EPB41L4A: variants seen among roughly 807,000 people sequenced by gnomAD.
The protein encoded by EPB41L4A is band 4.1-like protein 4A.
In EPB41L4A, 100 loss-of-function variants were observed where a neutral mutation model predicts 108.6. That is an observed-to-expected ratio of 0.92 (90% CI 0.78 to 1.09). EPB41L4A has a LOEUF of 1.09. Ranked by LOEUF, EPB41L4A falls within the 50% of genes least tolerant of loss-of-function variation. The pLI is 0.00. For synonymous variants in EPB41L4A, 319 were observed against 289.0 expected, an observed-to-expected ratio of 1.10 and a Z score of -1.05; for missense variants, 1,030 against 842.7, an observed-to-expected ratio of 1.22 and a Z score of -2.75.
At chr5:112,243,275 G>GTATATA (rs112296906) in intron 9 of EPB41L4A, among the ~76,000 whole-genome samples, 33 of 130,688 alleles carry the variant, frequency 2.5e-4, no homozygotes, top group African/African-American at 8.3e-4. Flanking sequence ...ATATGTGTGT[G>GTATATA]TATATATATA....
At chr5:112,199,423 T>C (rs1762114975) in intron 15 of EPB41L4A, among the ~76,000 whole-genome samples, 1 of 152,240 alleles carries the variant, frequency 6.6e-6, no homozygotes, top group African/African-American at 2.4e-5. Context: ...CTTTACCAGT[T>C]AATCTTCAAT....
intron 1 of EPB41L4A, among the ~76,000 whole-genome samples, chr5:112,319,990 G>T (rs781438706): frequency 6.6e-6 from 1 of 152,196 alleles, no homozygotes; most frequent in Non-Finnish European, 1.5e-5. Flanking sequence ...GTGGTAAAAC[G>T]TAAGCAACTG....
At chr5:112,278,521 G>T (rs1162179562) in intron 3 of EPB41L4A, among the ~76,000 whole-genome samples, 1 of 151,568 alleles carries the variant, frequency 6.6e-6, no homozygotes, top group Non-Finnish European at 1.5e-5. Flanking sequence ...CAAACTGCTG[G>T]GATTACAGGC....
intron 1 of EPB41L4A, among the ~76,000 whole-genome samples, chr5:112,332,326 T>C (rs1444066184): frequency 6.6e-6 from 1 of 152,238 alleles, no homozygotes; most frequent in Non-Finnish European, 1.5e-5. Context: ...GTAGTACTAT[T>C]TGCATTATTT....
intron 14 of EPB41L4A, among the ~76,000 whole-genome samples, chr5:112,204,803 TAA>T (rs1339238328): frequency 1.3e-5 from 2 of 152,214 alleles, no homozygotes; most frequent in African/African-American, 4.8e-5. Flanking sequence ...CTGACTCAGC[TAA>T]AGACTTTACA....
At chr5:112,293,435 C>G (rs2150542487) in intron 2 of EPB41L4A, among the ~76,000 whole-genome samples, 1 of 152,152 alleles carries the variant, frequency 6.6e-6, no homozygotes, top group Non-Finnish European at 1.5e-5. Context: ...AACTTTCTCT[C>G]CAAGATAGAA....
At chr5:112,183,087 A>T (rs1354622492) in intron 18 of EPB41L4A, among the ~76,000 whole-genome samples, 1 of 152,228 alleles carries the variant, frequency 6.6e-6, no homozygotes, top group African/African-American at 2.4e-5. Context: ...GTCCCACAGT[A>T]AAAAGAGTCC....
intron 1 of EPB41L4A, among the ~76,000 whole-genome samples, chr5:112,347,304 C>G (rs951359352): frequency 2.6e-5 from 4 of 152,174 alleles, no homozygotes; most frequent in African/African-American, 9.7e-5. Flanking sequence ...GACATTTGCA[C>G]TGATGGTGGA....
chr5:112,339,228 G>A (rs1340174466), intron 1 of EPB41L4A, among the ~76,000 whole-genome samples: 1 of 152,012 alleles, frequency 6.6e-6, no homozygotes, highest in African/African-American at 2.4e-5. Context: ...CTGTGAATCA[G>A]GGCTGGCTAT....
intron 9 of EPB41L4A, among the ~76,000 whole-genome samples, chr5:112,242,467 G>C (rs1749857787): frequency 1.3e-5 from 2 of 152,110 alleles, no homozygotes; most frequent in Non-Finnish European, 1.5e-5. Flanking sequence ...TAGTTTTCTT[G>C]CTATTTCTAC....
At chr5:112,177,335 A>C (rs929160475) in intron 18 of EPB41L4A, among the ~76,000 whole-genome samples, 3 of 152,132 alleles carry the variant, frequency 2.0e-5, no homozygotes, top group Non-Finnish European at 2.9e-5. Flanking sequence ...AAACTGAAAC[A>C]CTCTTCCTCT....
chr5:112,260,049 A>G, intron 7 of EPB41L4A, 70 bp from the exon 8 acceptor site: 1 of 1,090,902 alleles, frequency 9.2e-7, no homozygotes. Flanking sequence ...ATAATTGACC[A>G]TACAAATATA....
intron 18 of EPB41L4A, among the ~76,000 whole-genome samples, chr5:112,178,510 A>G (rs777928802): frequency 5.3e-5 from 8 of 152,184 alleles, no homozygotes; most frequent in Non-Finnish European, 1.0e-4. Context: ...CAGATTATTC[A>G]TCATTAAAAA....
intron 1 of EPB41L4A, among the ~76,000 whole-genome samples, chr5:112,315,004 G>A (rs1393156849): frequency 6.6e-6 from 1 of 152,118 alleles, no homozygotes; most frequent in Non-Finnish European, 1.5e-5. Flanking sequence ...AGACATTTGA[G>A]AGAATGAACT....
At chr5:112,176,343 T>C (rs953138205) in intron 18 of EPB41L4A, among the ~76,000 whole-genome samples, 17 of 152,234 alleles carry the variant, frequency 1.1e-4, no homozygotes, top group Admixed American at 2.0e-4. Context: ...GTTTGTGCTA[T>C]ATGAAGTAAT....
At chr5:112,265,988 A>G (rs1032101241) in intron 5 of EPB41L4A, among the ~76,000 whole-genome samples, 7 of 152,194 alleles carry the variant, frequency 4.6e-5, no homozygotes, top group Non-Finnish European at 5.9e-5. Flanking sequence ...CCTCCACTTA[A>G]TCAAGAATCA....
At chr5:112,407,895 G>A (rs139705962) in intron 1 of EPB41L4A, among the ~76,000 whole-genome samples, 8 of 152,288 alleles carry the variant, frequency 5.3e-5, no homozygotes, top group Admixed American at 5.2e-4. Flanking sequence ...GGTTCTTGAA[G>A]ATTTAACAGT....
At chr5:112,305,248 G>T (rs1385034293) in intron 2 of EPB41L4A, among the ~76,000 whole-genome samples, 1 of 152,088 alleles carries the variant, frequency 6.6e-6, no homozygotes, top group Non-Finnish European at 1.5e-5. Flanking sequence ...ACTTTTCTGA[G>T]CATACAATTT....
intron 1 of EPB41L4A, among the ~76,000 whole-genome samples, chr5:112,308,263 A>T (rs1319437462): frequency 6.6e-6 from 1 of 152,178 alleles, no homozygotes; most frequent in South Asian, 2.1e-4. Flanking sequence ...CTGGTATAAT[A>T]AGATAATAAA....
Sources: gnomAD v4.1 joint callset for allele counts (sites outside exome capture counted in the v4.1 genomes callset) on GRCh38, gnomAD v4.1.1 for gene constraint, MANE v1.5 for transcripts, NCBI Gene and HGNC (gene_info 2026-07-23, HGNC 2026-07-21) for gene names.